The following CC2D2B variants were observed in gnomAD, a reference collection of about 807,000 sequenced individuals.
CC2D2B encodes the protein coiled-coil and C2 domain containing 2B, also known as protein CC2D2B.
Under a neutral mutation model 161.2 loss-of-function variants are expected in CC2D2B, and 128 were observed. The observed-to-expected ratio is 0.79, with a 90% CI of 0.69 to 0.92. CC2D2B has a LOEUF of 0.92. Ranked by LOEUF, CC2D2B falls within the 40% of genes least tolerant of loss-of-function variation. The pLI is 0.00. For synonymous variants in CC2D2B, 391 were observed against 449.8 expected, an observed-to-expected ratio of 0.87 and a Z score of 1.65; for missense variants, 1,173 against 1,375.1, an observed-to-expected ratio of 0.85 and a Z score of 2.32.
chr10:95,964,219 T>G (rs1316524149), intron 12 of CC2D2B, among the ~76,000 whole-genome samples: 1 of 152,122 alleles, frequency 6.6e-6, no homozygotes, highest in African/African-American at 2.4e-5. Flanking sequence ...TGGCTCAGAA[T>G]AGAAAGGAGG....
intron 29 of CC2D2B, 87 bp from the exon 30 acceptor site, chr10:96,016,114 A>C: frequency 1.3e-6 from 1 of 794,128 alleles, no homozygotes; most frequent in Non-Finnish European, 2.1e-6. Flanking sequence ...GAGTGAGTAC[A>C]GGTGCTCCGC....
intron 32 of CC2D2B, chr10:96,020,255 T>G (rs1466952173): frequency 6.5e-6 from 1 of 154,070 alleles, no homozygotes; most frequent in Non-Finnish European, 1.4e-5. Context: ...TAGCAGTGAG[T>G]AGGCTGGAGC....
intron 29 of CC2D2B, among the ~76,000 whole-genome samples, chr10:96,015,782 G>A (rs567367779): frequency 1.3e-5 from 2 of 152,154 alleles, no homozygotes; most frequent in South Asian, 4.1e-4. Context: ...TATTGGTACA[G>A]GACAGAATGT....
At chr10:96,008,063 CT>C (rs1294443088) in intron 25 of CC2D2B, among the ~76,000 whole-genome samples, 2 of 152,006 alleles carry the variant, frequency 1.3e-5, no homozygotes, top group Non-Finnish European at 2.9e-5. Flanking sequence ...TCCCCCTGCT[CT>C]GTTGGCCTAT....
chr10:96,005,853 C>G (rs1248176890), intron 25 of CC2D2B, among the ~76,000 whole-genome samples: 1 of 152,036 alleles, frequency 6.6e-6, no homozygotes, highest in African/African-American at 2.4e-5. Flanking sequence ...TAAACTAACC[C>G]AAAACTCAGA....
chr10:96,028,812 T>G (rs2079896914), intron 34 of CC2D2B, among the ~76,000 whole-genome samples: 1 of 152,196 alleles, frequency 6.6e-6, no homozygotes, highest in Non-Finnish European at 1.5e-5. Flanking sequence ...GATGAGATCC[T>G]GTCATTTGCA....
At chr10:95,959,999 T>A (rs1321163144) in intron 11 of CC2D2B, among the ~76,000 whole-genome samples, 1 of 152,224 alleles carries the variant, frequency 6.6e-6, no homozygotes, top group East Asian at 1.9e-4. Context: ...GTATTTATTT[T>A]ATTATTTTCT....
At chr10:95,925,115 A>G (rs1355467646) in intron 5 of CC2D2B, among the ~76,000 whole-genome samples, 5 of 152,266 alleles carry the variant, frequency 3.3e-5, no homozygotes, top group African/African-American at 1.2e-4. Context: ...AGATAAACTT[A>G]GGAACATTAA....
intron 2 of CC2D2B, among the ~76,000 whole-genome samples, chr10:95,912,813 T>C (rs891227119): frequency 6.6e-5 from 10 of 152,188 alleles, no homozygotes; most frequent in African/African-American, 2.4e-4. Flanking sequence ...CAATTTCTTT[T>C]TGGAAATTTT....
intron 25 of CC2D2B, among the ~76,000 whole-genome samples, chr10:96,007,629 C>T (rs6584044): frequency 0.61 from 93,385 of 151,980 alleles, 28,891 homozygotes; most frequent in East Asian, 0.83. Context: ...GGGTAACTTC[C>T]TAAGTGCAAA....
intron 17 of CC2D2B, among the ~76,000 whole-genome samples, chr10:95,981,263 G>A (rs1013393953): frequency 2.0e-5 from 3 of 152,002 alleles, no homozygotes; most frequent in Non-Finnish European, 2.9e-5. Flanking sequence ...GTGGTAGCAC[G>A]TGCCTGTAGT....
chr10:95,965,785 T>G (rs930783281), intron 12 of CC2D2B, 111 bp from the exon 13 acceptor site: 18 of 344,348 alleles, frequency 5.2e-5, no homozygotes, highest in Non-Finnish European at 7.8e-5. Flanking sequence ...GAGATTGGTT[T>G]TGTGTGTGTG....
At chr10:95,938,397 A>G in intron 7 of CC2D2B, 172 bp from the exon 8 acceptor site, 2 of 606,620 alleles carry the variant, frequency 3.3e-6, no homozygotes, top group Non-Finnish European at 5.9e-6. Context: ...AGGCATATGT[A>G]TTTATATATA....
chr10:95,933,000 G>A (rs1004918645), intron 6 of CC2D2B, among the ~76,000 whole-genome samples: 17 of 152,166 alleles, frequency 1.1e-4, no homozygotes, highest in African/African-American at 3.4e-4. Flanking sequence ...CATTCTCCTC[G>A]TCACTTTCAG....
chr10:95,942,148 G>T (rs954379399), intron 9 of CC2D2B, among the ~76,000 whole-genome samples: 4 of 152,134 alleles, frequency 2.6e-5, no homozygotes, highest in African/African-American at 9.7e-5. Flanking sequence ...GTAGAATGGC[G>T]GTTGCCAGGG....
chr10:95,936,419 C>A (rs61871080), intron 6 of CC2D2B, among the ~76,000 whole-genome samples: 22 of 152,114 alleles, frequency 1.4e-4, no homozygotes, highest in Non-Finnish European at 2.5e-4. Context: ...AGAGTGAGGC[C>A]TGGGGTTACT....
intron 34 of CC2D2B, among the ~76,000 whole-genome samples, chr10:96,029,823 T>G (rs990285737): frequency 6.6e-6 from 1 of 151,860 alleles, no homozygotes; most frequent in African/African-American, 2.4e-5. Flanking sequence ...TTTTGTTTTT[T>G]TTTTTGCGAC....
At chr10:95,965,823 TG>T in intron 12 of CC2D2B, 72 bp from the exon 13 acceptor site, 8 of 367,994 alleles carry the variant, frequency 2.2e-5, no homozygotes, top group East Asian at 3.9e-5. Context: ...GTGTGTGTGT[TG>T]GCAAAATCTC....
At chr10:95,982,554 C>T (rs2077568429) in intron 18 of CC2D2B, among the ~76,000 whole-genome samples, 3 of 152,206 alleles carry the variant, frequency 2.0e-5, no homozygotes, top group African/African-American at 7.2e-5. Context: ...TTTCTTCATA[C>T]CTTTATTCAT....
Sources: allele counts gnomAD v4.1 joint callset (sites outside exome capture counted in the v4.1 genomes callset), GRCh38; gene constraint gnomAD v4.1.1; transcripts MANE v1.5; gene names NCBI Gene and HGNC (gene_info 2026-07-23, HGNC 2026-07-21).